The following CARMIL1 variants were observed in gnomAD, a reference collection of about 807,000 sequenced individuals.
CARMIL1 encodes the protein F-actin-uncapping protein LRRC16A.
CARMIL1 carries 90 observed loss-of-function variants against 177.1 expected under a neutral mutation model. That is an observed-to-expected ratio of 0.51 (90% CI 0.43 to 0.61). CARMIL1 has a LOEUF of 0.61. Ranked by LOEUF, CARMIL1 falls within the 20% of genes least tolerant of loss-of-function variation. The probability of loss-of-function intolerance (pLI) is 0.00; values close to 1 mark genes in which losing one functional copy is unlikely to be tolerated. For missense variants in CARMIL1, 1,380 were observed against 1,667.0 expected, an observed-to-expected ratio of 0.83 and a Z score of 3.00; for synonymous variants, 577 against 606.2, an observed-to-expected ratio of 0.95 and a Z score of 0.71.
chr6:25,416,052 C>T (rs1795332466), intron 2 of CARMIL1, among the ~76,000 whole-genome samples: 1 of 152,030 alleles, frequency 6.6e-6, no homozygotes, highest in Non-Finnish European at 1.5e-5. Context: ...ATCATGTAGA[C>T]AGATACAGAA....
intron 5 of CARMIL1, among the ~76,000 whole-genome samples, chr6:25,447,764 G>A (rs1798375092): frequency 6.6e-6 from 1 of 151,998 alleles, no homozygotes; most frequent in African/African-American, 2.4e-5. Flanking sequence ...TCCCCTGGAA[G>A]TACCAGTATT....
intron 2 of CARMIL1, chr6:25,350,910 A>G (rs1665513737): frequency 6.6e-6 from 1 of 152,226 alleles, no homozygotes; most frequent in Non-Finnish European, 1.5e-5. Flanking sequence ...GTATATTTAA[A>G]GAATTGAGTG....
intron 2 of CARMIL1, among the ~76,000 whole-genome samples, chr6:25,310,490 A>G (rs1783710363): frequency 6.6e-6 from 1 of 152,232 alleles, no homozygotes; most frequent in African/African-American, 2.4e-5. Context: ...AGGACATTCC[A>G]TGTGGTAAGG....
At chr6:25,466,587 G>A (rs1488175041) in intron 9 of CARMIL1, among the ~76,000 whole-genome samples, 1 of 152,194 alleles carries the variant, frequency 6.6e-6, no homozygotes, top group Admixed American at 6.5e-5. Context: ...TTTGTTATGG[G>A]ATAAGAAAGA....
At chr6:25,366,880 T>G (rs1789874647) in intron 2 of CARMIL1, among the ~76,000 whole-genome samples, 1 of 152,144 alleles carries the variant, frequency 6.6e-6, no homozygotes, top group African/African-American at 2.4e-5. Context: ...AATGATTGAC[T>G]TTGGGGGAGC....
chr6:25,541,870 T>C (rs1034761888), intron 26 of CARMIL1, among the ~76,000 whole-genome samples: 1 of 152,156 alleles, frequency 6.6e-6, no homozygotes, highest in Non-Finnish European at 1.5e-5. Flanking sequence ...GCCAGGCTGG[T>C]CTCAAACTCC....
chr6:25,492,065 C>CT lies in CARMIL1; in HGVS notation c.1220+43dup, dbSNP rs746193206. On this transcript the variant is annotated intron_variant, in intron 15 of 36. Transcript: ENST00000329474. Reference sequence around the variant, plus strand: ...TGCTCTCATTGTCATCTGGAAGTGTCTTCTTCTGAGAAAAGTTGTAGTGAT... The same window carrying CT: ...TGCTCTCATTGTCATCTGGAAGTGTCTTTCTTCTGAGAAAAGTTGTAGTGAT... 2.0e-5 allele frequency: 31 copies of CT among 1,561,262 alleles called. No individual in the cohort carries two copies. The South Asian group carries it at 2.9e-4, about 15-fold the overall frequency.
At chr6:25,323,876 T>C (rs1202863374) in intron 2 of CARMIL1, among the ~76,000 whole-genome samples, 1 of 152,318 alleles carries the variant, frequency 6.6e-6, no homozygotes, top group East Asian at 1.9e-4. Flanking sequence ...ACCATCAAAT[T>C]ATAAGAGATT....
chr6:25,445,792 C>G (rs1290330926), intron 5 of CARMIL1, among the ~76,000 whole-genome samples: 1 of 152,058 alleles, frequency 6.6e-6, no homozygotes, highest in Non-Finnish European at 1.5e-5. Flanking sequence ...CACGCCTCGG[C>G]TGGGATTACA....
At chr6:25,401,532 A>G (rs1266429372) in intron 2 of CARMIL1, among the ~76,000 whole-genome samples, 2 of 152,152 alleles carry the variant, frequency 1.3e-5, no homozygotes, top group African/African-American at 4.8e-5. Flanking sequence ...CTCATTCTCA[A>G]AGAAGGAATT....
At chr6:25,382,523 T>C (rs1370985615) in intron 2 of CARMIL1, among the ~76,000 whole-genome samples, 1 of 152,090 alleles carries the variant, frequency 6.6e-6, no homozygotes, top group Non-Finnish European at 1.5e-5. Flanking sequence ...CCCGAGTGGG[T>C]TGCTGCTGTT....
At chr6:25,382,789 G>A (rs115425228) in intron 2 of CARMIL1, among the ~76,000 whole-genome samples, 9,110 of 152,196 alleles carry the variant, frequency 0.06, 302 homozygotes, top group Non-Finnish European at 0.088. Flanking sequence ...TGATTGGTGC[G>A]TTTACAATTC....
chr6:25,390,320 A>ATATATATATATATATATATTTTTTT (rs1554184839), intron 2 of CARMIL1, among the ~76,000 whole-genome samples: 9 of 58,088 alleles, frequency 1.5e-4, no homozygotes, highest in Non-Finnish European at 2.7e-4. Flanking sequence ...ATATATATAT[A>ATATATATATATATATATATTTTTTT]TTTTTTTTTT....
intron 29 of CARMIL1, 111 bp from the exon 30 acceptor site, chr6:25,580,813 C>T (rs892292622): frequency 2.2e-5 from 17 of 766,766 alleles, no homozygotes; most frequent in Non-Finnish European, 2.2e-6. Flanking sequence ...TCTTCTAAAG[C>T]AGAGAAACAA....
At position 25,281,158 on chromosome 6, in the gene CARMIL1, A is replaced by G. The variant is rs1377231764; in HGVS notation, c.40+1323A>G. ...CGCGCACACACACACACACACACACACACACACACACGCACCTCTCATCAT... is the reference window on the plus strand; with the variant it reads ...CGCGCACACACACACACACACACACGCACACACACACGCACCTCTCATCAT... On this transcript the variant is annotated intron_variant, in intron 1 of 36. Transcript: ENST00000329474. Among the ~76,000 whole-genome samples the G allele has an allele frequency of 3.7e-4, 56 of 150,272 alleles. No individual in the cohort carries two copies. In the South Asian group the frequency reaches 3.8e-3, roughly 10 times the overall value.
At chr6:25,390,154 A>G (rs2150527400) in intron 2 of CARMIL1, among the ~76,000 whole-genome samples, 1 of 151,918 alleles carries the variant, frequency 6.6e-6, no homozygotes, top group Admixed American at 6.6e-5. Flanking sequence ...TGCTATAATG[A>G]TTGATTTTGC....
intron 4 of CARMIL1, among the ~76,000 whole-genome samples, chr6:25,432,302 A>T (rs55917698): frequency 0.22 from 33,298 of 151,998 alleles, 4,021 homozygotes; most frequent in East Asian, 0.35. Flanking sequence ...ATTCTTTTGT[A>T]ATGTTCTCTG....
rs113334354 is a variant in CARMIL1 at position 25,377,586 on chromosome 6, G to A, written c.139-42528G>A. 3.2e-3 allele frequency among the ~76,000 whole-genome samples: 493 copies of A among 152,320 alleles called. 1 individual carries two copies. The highest frequency in any genetic ancestry group is 9.1e-3 in the African/African-American group (377 of 41,568). ...ATCCCAGCAGTGGGTACCAGCACCA[G>A]TTCTGATGGGGATGGCAGGGGAGTG... On this transcript the variant is annotated intron_variant, in intron 2 of 36. Transcript: ENST00000329474.
At chr6:25,483,038 A>T (rs1802271417) in intron 12 of CARMIL1, among the ~76,000 whole-genome samples, 1 of 152,090 alleles carries the variant, frequency 6.6e-6, no homozygotes, top group East Asian at 1.9e-4. Flanking sequence ...CTCTGCTGAG[A>T]TGTGTTCCCT....
Sources: allele counts gnomAD v4.1 joint callset (sites outside exome capture counted in the v4.1 genomes callset), GRCh38; gene constraint gnomAD v4.1.1; transcripts MANE v1.5; gene names NCBI Gene and HGNC (gene_info 2026-07-23, HGNC 2026-07-21).